The following ZDHHC2 variants were observed in gnomAD, a reference collection of about 807,000 sequenced individuals.
ZDHHC2 encodes zDHHC palmitoyltransferase 2.
Under a neutral mutation model 55.6 loss-of-function variants are expected in ZDHHC2, and 51 were observed. The ratio of observed to expected loss-of-function variants is 0.92; its 90% CI spans 0.73 to 1.16. The LOEUF (loss-of-function observed/expected upper bound fraction) is 1.16. Ranked by LOEUF, ZDHHC2 falls within the 50% of genes most tolerant of loss-of-function variation. ZDHHC2 has a pLI of 0.00. For synonymous variants in ZDHHC2, 199 were observed against 152.9 expected (o/e 1.30, Z -2.22); for missense variants, 491 against 442.4 (o/e 1.11, Z -0.99).
At chr8:17,194,778 A>T (rs932735468) in intron 3 of ZDHHC2, among the ~76,000 whole-genome samples, 2 of 152,090 alleles carry the variant, frequency 1.3e-5, no homozygotes, top group Non-Finnish European at 2.9e-5. Flanking sequence ...TTTATCCATC[A>T]TCCTTTTGAT....
chr8:17,209,534 T>C (rs549316148), intron 8 of ZDHHC2, among the ~76,000 whole-genome samples: 1 of 152,238 alleles, frequency 6.6e-6, no homozygotes, highest in East Asian at 1.9e-4. Flanking sequence ...GTAGAATGTA[T>C]GTAAAAGATA....
intron 11 of ZDHHC2, among the ~76,000 whole-genome samples, chr8:17,215,763 A>T (rs1219746850): frequency 6.6e-6 from 1 of 152,240 alleles, no homozygotes; most frequent in Admixed American, 6.5e-5. Flanking sequence ...AAAATGTCTG[A>T]GTAAAGTTAC....
chr8:17,195,280 G>A (rs556368717), intron 3 of ZDHHC2, among the ~76,000 whole-genome samples: 9 of 152,190 alleles, frequency 5.9e-5, no homozygotes, highest in Admixed American at 4.6e-4. Flanking sequence ...GAGGAAGTAG[G>A]TACAGTTGTA....
At chr8:17,209,091 G>T (rs190226134) in intron 8 of ZDHHC2, among the ~76,000 whole-genome samples, 8 of 152,208 alleles carry the variant, frequency 5.3e-5, no homozygotes, top group African/African-American at 1.7e-4. Flanking sequence ...GATTCAAGAA[G>T]AAAATGTAGT....
chr8:17,161,848 G>A (rs1051940573), intron 1 of ZDHHC2, among the ~76,000 whole-genome samples: 4 of 152,096 alleles, frequency 2.6e-5, no homozygotes, highest in East Asian at 1.9e-4. Flanking sequence ...GTGACAGAGC[G>A]AGACCCTGTC....
intron 1 of ZDHHC2, among the ~76,000 whole-genome samples, chr8:17,160,493 A>T (rs1277002523): frequency 6.6e-6 from 1 of 152,246 alleles, no homozygotes; most frequent in Admixed American, 6.5e-5. Context: ...TAAATTCCAG[A>T]GTTGCCACAA....
intron 6 of ZDHHC2, among the ~76,000 whole-genome samples, chr8:17,205,196 G>C (rs959720329): frequency 1.3e-5 from 2 of 152,142 alleles, no homozygotes; most frequent in African/African-American, 2.4e-5. Context: ...CAGTCCGCTT[G>C]CTTCAATGAA....
At chr8:17,162,744 C>T (rs1804410002) in intron 1 of ZDHHC2, 1 of 152,156 alleles carries the variant, frequency 6.6e-6, no homozygotes, top group South Asian at 2.1e-4. Flanking sequence ...GGAGTTGCCA[C>T]CTTTCCGGAT....
At chr8:17,199,582 CTTCTTCT>C (rs1563161517) in intron 6 of ZDHHC2, among the ~76,000 whole-genome samples, 1 of 68,946 alleles carries the variant, frequency 1.5e-5, no homozygotes, top group Non-Finnish European at 4.0e-5. Context: ...TTGTCTTCTT[CTTCTTCT>C]TTCTTCTTCT....
At position 17,221,928 on chromosome 8, in the gene ZDHHC2, A is replaced by C. The variant is rs553498514; in HGVS notation, c.*1707A>C. On this transcript the variant is annotated 3_prime_UTR_variant, in exon 13 of 13. Coordinates refer to ENST00000262096, the MANE Select transcript of ZDHHC2 (RefSeq NM_016353.5). Reference sequence around the variant, plus strand: ...CCTATAGCTACTGCTAGAAGTCTTAAAAAAACCAACAGCAGCACAGGATGT... The same window carrying C: ...CCTATAGCTACTGCTAGAAGTCTTACAAAAACCAACAGCAGCACAGGATGT... 6.6e-6 allele frequency: 1 copy of C among 150,848 alleles called. No homozygotes were observed. Among genetic ancestry groups the C allele is most frequent in the Admixed American group, 6.6e-5 (1 of 15,192 alleles). The allele number at this position is 150,848 out of a possible 1,614,324, so 9.3% of individuals were successfully genotyped here. A position where few individuals can be genotyped will look rare whatever the true frequency, so the allele number is the denominator to read the frequency against.
At chr8:17,167,159 T>G (rs1475206616) in intron 1 of ZDHHC2, among the ~76,000 whole-genome samples, 1 of 152,122 alleles carries the variant, frequency 6.6e-6, no homozygotes, top group African/African-American at 2.4e-5. Flanking sequence ...CAGCTAAACT[T>G]GTTCAGTTTG....
intron 5 of ZDHHC2, 89 bp from the exon 6 acceptor site, chr8:17,198,292 T>C: frequency 7.8e-7 from 1 of 1,273,940 alleles, no homozygotes; most frequent in Admixed American, 3.0e-5. Context: ...GCCGCAGCTG[T>C]TTGAACTAAC....
intron 1 of ZDHHC2, chr8:17,162,819 T>C (rs1017597802): frequency 2.0e-5 from 3 of 152,148 alleles, no homozygotes; most frequent in Non-Finnish European, 4.4e-5. Context: ...CTCCTAGACA[T>C]GTGAGTTGGC....
rs147774917 is a variant in ZDHHC2 at position 17,199,149 on chromosome 8, A to C, written c.476+736A>C. ...AAGGTAGACATGCCCACAGGTCCAC[A>C]GTAGGTATAGGGTGAAATATATGTA... On this transcript the variant is annotated intron_variant, in intron 6 of 12. Coordinates refer to ENST00000262096, the MANE Select transcript of ZDHHC2 (RefSeq NM_016353.5). Among the ~76,000 whole-genome samples, 909 of 152,312 alleles carry C rather than the reference A, an allele frequency of 6.0e-3. 8 individuals carry two copies. Among genetic ancestry groups the C allele is most frequent in the Non-Finnish European group, 6.6e-3 (451 of 68,030 alleles).
chr8:17,199,561 C>A (rs1223766411), intron 6 of ZDHHC2, among the ~76,000 whole-genome samples: 3 of 74,034 alleles, frequency 4.1e-5, no homozygotes, highest in Admixed American at 1.8e-4. Context: ...TCGTCTTCGT[C>A]TTCTTCGTCT....
At chr8:17,184,608 C>T (rs963133948) in intron 1 of ZDHHC2, among the ~76,000 whole-genome samples, 181 bp from the exon 2 acceptor site, 7 of 65,598 alleles carry the variant, frequency 1.1e-4, no homozygotes, top group East Asian at 5.0e-4. Context: ...AGCCTCCAGC[C>T]GTTTCCTGCA....
chr8:17,205,431 G>A (rs909864870), intron 6 of ZDHHC2, among the ~76,000 whole-genome samples: 18 of 152,200 alleles, frequency 1.2e-4, no homozygotes, highest in African/African-American at 1.9e-4. Flanking sequence ...TACATTGTTT[G>A]TGATTGACTA....
intron 1 of ZDHHC2, among the ~76,000 whole-genome samples, chr8:17,183,669 G>C (rs1012833568): frequency 5.9e-5 from 9 of 152,148 alleles, no homozygotes; most frequent in African/African-American, 2.2e-4. Flanking sequence ...AATATGTGAA[G>C]ATCTGTCATT....
At chr8:17,158,948 T>C (rs1466937870) in intron 1 of ZDHHC2, among the ~76,000 whole-genome samples, 1 of 152,266 alleles carries the variant, frequency 6.6e-6, no homozygotes, top group African/African-American at 2.4e-5. Flanking sequence ...TATATTTTTA[T>C]TGCTGTAGAA....
Sources: gnomAD v4.1 joint callset for allele counts (sites outside exome capture counted in the v4.1 genomes callset) on GRCh38, gnomAD v4.1.1 for gene constraint, MANE v1.5 for transcripts, NCBI Gene and HGNC (gene_info 2026-07-23, HGNC 2026-07-21) for gene names.